MUC7: variants seen among roughly 807,000 people sequenced by gnomAD.
The protein encoded by MUC7 is mucin-7.
MUC7 carries 2 observed loss-of-function variants against 2.5 expected under a neutral mutation model. That is an observed-to-expected ratio of 0.81 (90% CI 0.33 to 2.55). The LOEUF (loss-of-function observed/expected upper bound fraction) is 2.55, where lower values mean the gene tolerates loss of function less well. Among genes scored for constraint, MUC7 ranks in the 30% most tolerant of loss-of-function variants. MUC7 has a pLI of 0.11. For missense variants in MUC7, 408 were observed against 455.6 expected, an observed-to-expected ratio of 0.90 and a Z score of 0.95; for synonymous variants, 133 against 173.4, an observed-to-expected ratio of 0.77 and a Z score of 1.83.
At chr4:70,468,107 C>A (rs1259011176), upstream of MUC7, among the ~76,000 whole-genome samples, 1 of 152,166 alleles carries the variant, frequency 6.6e-6, no homozygotes, top group Admixed American at 6.5e-5. Context: ...TCAACATACG[C>A]AAATCAATAA....
chr4:70,437,159 C>T (rs1007900350), intron 1 of MUC7, among the ~76,000 whole-genome samples: 11 of 152,296 alleles, frequency 7.2e-5, no homozygotes, highest in Middle Eastern at 3.4e-3. Flanking sequence ...ACAGGGGTCC[C>T]GGACCCACTT....
At chr4:70,432,729 T>G (rs548933879) in intron 1 of MUC7, among the ~76,000 whole-genome samples, 7 of 152,282 alleles carry the variant, frequency 4.6e-5, no homozygotes, top group Admixed American at 2.0e-4. Context: ...AGAAGCTCTT[T>G]AGTTTAATTA....
At chr4:70,480,741 C>T (rs1176611525) in intron 2 of MUC7, 58 bp from the exon 3 acceptor site, 4 of 1,558,970 alleles carry the variant, frequency 2.6e-6, no homozygotes, top group Admixed American at 3.5e-5. Flanking sequence ...CAGCAGTGAT[C>T]ACCTGATTGA....
At chr4:70,456,530 C>G (rs1734419247) in intron 1 of MUC7, among the ~76,000 whole-genome samples, 1 of 152,112 alleles carries the variant, frequency 6.6e-6, no homozygotes, top group African/African-American at 2.4e-5. Context: ...CAAGGCACAT[C>G]TTATATGATG....
intron 1 of MUC7, 56 bp from the exon 2 acceptor site, chr4:70,473,951 C>T (rs1359405178): frequency 8.1e-7 from 1 of 1,238,678 alleles, no homozygotes; most frequent in Admixed American, 1.9e-5. Flanking sequence ...TACCAAAACG[C>T]ATTCCTCTCC....
intron 1 of MUC7, among the ~76,000 whole-genome samples, chr4:70,437,605 T>G (rs760360902): frequency 3.0e-4 from 46 of 152,192 alleles, no homozygotes; most frequent in Non-Finnish European, 6.0e-4. Context: ...AGGAGTGTAC[T>G]GTTCCTCCAG....
At chr4:70,467,061 C>T (rs1734702588) in intron 1 of MUC7, among the ~76,000 whole-genome samples, 5 of 152,208 alleles carry the variant, frequency 3.3e-5, no homozygotes, top group Admixed American at 3.3e-4. Flanking sequence ...CAAACAGTCT[C>T]TCAGACCACA....
intron 1 of MUC7, among the ~76,000 whole-genome samples, chr4:70,443,247 G>T (rs1029275699): frequency 1.4e-5 from 2 of 144,732 alleles, no homozygotes; most frequent in Non-Finnish European, 3.0e-5. Context: ...AAAAAATCAA[G>T]ATCTCAGACA....
intron 1 of MUC7, among the ~76,000 whole-genome samples, chr4:70,450,820 G>C (rs1734260915): frequency 6.6e-6 from 1 of 152,138 alleles, no homozygotes; most frequent in Non-Finnish European, 1.5e-5. Flanking sequence ...TGGGTGCCTA[G>C]ATGCAAGAGA....
chr4:70,431,754 T>G (rs948988066), intron 1 of MUC7, among the ~76,000 whole-genome samples: 1 of 152,176 alleles, frequency 6.6e-6, no homozygotes, highest in Non-Finnish European at 1.5e-5. Context: ...TTTTTTATTT[T>G]TTTATTATTA....
intron 1 of MUC7, among the ~76,000 whole-genome samples, chr4:70,431,433 G>A (rs905469446): frequency 6.6e-6 from 1 of 151,148 alleles, no homozygotes; most frequent in African/African-American, 2.4e-5. Flanking sequence ...AAGTCAGAGG[G>A]TATTTTTCAT....
chr4:70,436,436 T>C (rs2172003), intron 1 of MUC7, among the ~76,000 whole-genome samples: 91,467 of 151,412 alleles, frequency 0.6, 28,933 homozygotes, highest in Admixed American at 0.74. Flanking sequence ...TCTTCTCACT[T>C]TATTTCATTA....
At chr4:70,433,502 G>T (rs1170417069) in intron 1 of MUC7, among the ~76,000 whole-genome samples, 1 of 152,068 alleles carries the variant, frequency 6.6e-6, no homozygotes, top group Non-Finnish European at 1.5e-5. Flanking sequence ...ATTGTGAATG[G>T]GAGTTCACTC....
Position 70,481,176 on chromosome 4 carries a change from T to C in MUC7, c.432T>C (p.Asn144=). The C allele has an allele frequency of 6.2e-7, 1 of 1,614,194 alleles. No individual in the cohort carries two copies. Among genetic ancestry groups the C allele is most frequent in the Non-Finnish European group, 8.5e-7 (1 of 1,180,040 alleles). Residue 144 remains asparagine (N), a synonymous_variant, in exon 3 of 3, where the codon AAT becomes AAC. Transcript: ENST00000304887. Reference sequence around the variant, plus strand: ...CCACCACCATATCTTCAAGAGAAAATGTTAACACAAGCTCTTCTGTAGCTA... The same window carrying C: ...CCACCACCATATCTTCAAGAGAAAACGTTAACACAAGCTCTTCTGTAGCTA... The part of the protein sequence containing the change: ...QNATTISSRE[N]VNTSSSVATL...
At chr4:70,469,589 T>C (rs1388191056), upstream of MUC7, among the ~76,000 whole-genome samples, 2 of 152,096 alleles carry the variant, frequency 1.3e-5, no homozygotes, top group Admixed American at 1.3e-4. Flanking sequence ...CATCAAAAAG[T>C]GGACAAAGGA....
chr4:70,448,087 C>A (rs1007709948), intron 1 of MUC7, among the ~76,000 whole-genome samples: 4 of 152,142 alleles, frequency 2.6e-5, no homozygotes, highest in African/African-American at 9.7e-5. Context: ...TCATGATCTC[C>A]AGTTCCACCC....
At chr4:70,476,028 G>T (rs1734990734) in intron 2 of MUC7, among the ~76,000 whole-genome samples, 1 of 152,164 alleles carries the variant, frequency 6.6e-6, no homozygotes, top group African/African-American at 2.4e-5. Context: ...CCATCCAGAT[G>T]AATCTTGAGC....
chr4:70,472,619 T>C (rs1043187091), intron 1 of MUC7, among the ~76,000 whole-genome samples: 2 of 152,208 alleles, frequency 1.3e-5, no homozygotes, highest in Non-Finnish European at 2.9e-5. Flanking sequence ...GACTTTATTA[T>C]GGATAAGACA....
intron 1 of MUC7, among the ~76,000 whole-genome samples, chr4:70,433,254 T>C (rs182387735): frequency 2.3e-3 from 343 of 152,208 alleles, no homozygotes; most frequent in Middle Eastern, 0.01. Flanking sequence ...AGTTTTTTTC[T>C]AATTCTGTGA....
Sources: gnomAD v4.1 joint callset for allele counts (sites outside exome capture counted in the v4.1 genomes callset) on GRCh38, gnomAD v4.1.1 for gene constraint, MANE v1.5 for transcripts, NCBI Gene and HGNC (gene_info 2026-07-23, HGNC 2026-07-21) for gene names.